The following RPH3AL variants were observed in gnomAD, a reference collection of about 807,000 sequenced individuals.
The protein encoded by RPH3AL is rabphilin 3A like (without C2 domains), also known as rab effector Noc2.
Under a neutral mutation model 43.1 loss-of-function variants are expected in RPH3AL, and 38 were observed. The observed-to-expected ratio is 0.88, with a 90% CI of 0.68 to 1.15. The LOEUF (loss-of-function observed/expected upper bound fraction) is 1.15. Among genes scored for constraint, RPH3AL ranks in the 50% most tolerant of loss-of-function variants. The pLI, the probability that RPH3AL is intolerant of heterozygous loss-of-function variation, is 0.00. For missense variants in RPH3AL, 462 were observed against 423.2 expected, an observed-to-expected ratio of 1.09 and a Z score of -0.81; for synonymous variants, 189 against 176.3, an observed-to-expected ratio of 1.07 and a Z score of -0.57.
chr17:270,838 G>A (rs552568907), intron 6 of RPH3AL, among the ~76,000 whole-genome samples: 1 of 152,312 alleles, frequency 6.6e-6, no homozygotes, highest in African/African-American at 2.4e-5. Flanking sequence ...TTTTAGACAT[G>A]AAGTCCTTGC....
At chr17:250,260 C>T (rs534688508) in intron 6 of RPH3AL, among the ~76,000 whole-genome samples, 24 of 124,396 alleles carry the variant, frequency 1.9e-4, no homozygotes, top group African/African-American at 6.0e-4. Flanking sequence ...CAAGCTCCGT[C>T]GCTGCGGGAC....
intron 5 of RPH3AL, among the ~76,000 whole-genome samples, chr17:304,635 G>T (rs532360997): frequency 2.6e-5 from 4 of 152,128 alleles, no homozygotes; most frequent in African/African-American, 9.6e-5. Flanking sequence ...CACCCGGCCA[G>T]GGCAGGCCCG....
intron 5 of RPH3AL, among the ~76,000 whole-genome samples, chr17:316,907 C>T (rs1321794813): frequency 4.6e-5 from 7 of 151,472 alleles, no homozygotes; most frequent in Non-Finnish European, 7.4e-5. Flanking sequence ...CTGTGCTCCA[C>T]CTCCACTGAC....
At chr17:234,063 A>C (rs28630709) in intron 7 of RPH3AL, among the ~76,000 whole-genome samples, 32 of 24,214 alleles carry the variant, frequency 1.3e-3, no homozygotes, top group African/African-American at 5.6e-3. Flanking sequence ...GCGGCTACTT[A>C]CCCTGACCAA....
intron 7 of RPH3AL, among the ~76,000 whole-genome samples, chr17:222,635 C>A (rs576593146): frequency 2.6e-5 from 4 of 152,316 alleles, no homozygotes; most frequent in African/African-American, 9.6e-5. Context: ...CAGAAATGTA[C>A]ATCCATTCAC....
rs7222921 is a variant in RPH3AL at position 322,892 on chromosome 17, A to G, written c.78-1477T>C. Reference sequence around the variant, plus strand: ...ATCTAGGGTTTGGAGTCCACTGGACAGTCTTATCTTCTGGTCCCGTCCCTT... The same window carrying G: ...ATCTAGGGTTTGGAGTCCACTGGACGGTCTTATCTTCTGGTCCCGTCCCTT... On this transcript the variant is annotated intron_variant, in intron 3 of 9. Coordinates refer to ENST00000331302, the MANE Select transcript of RPH3AL (RefSeq NM_006987.4). This position sits in a 1 kb window ranked among gnomAD's most constrained non-coding sequence, Gnocchi z 4.0. Among the ~76,000 whole-genome samples, 48,585 of 151,940 alleles carry G rather than the reference A, an allele frequency of 0.32. 9,117 individuals carry two copies. The highest frequency in any genetic ancestry group is 0.44 in the Non-Finnish European group (30,114 of 67,916).
At chr17:273,154 ATGTCAGGGTGAGACCCCAGCGCGG>A (rs2042551202) in intron 6 of RPH3AL, among the ~76,000 whole-genome samples, 1 of 28,662 alleles carries the variant, frequency 3.5e-5, no homozygotes, top group African/African-American at 1.1e-4. Context: ...AGCGAGGGTG[ATGTCAGGGTGAGACCCCAGCGCGG>A]GTGACGTCAG....
At chr17:260,875 C>A (rs1167572617) in intron 6 of RPH3AL, among the ~76,000 whole-genome samples, 1 of 152,196 alleles carries the variant, frequency 6.6e-6, no homozygotes, top group Non-Finnish European at 1.5e-5. Flanking sequence ...CTAAGCTCTC[C>A]TTTTGGACAC....
intron 7 of RPH3AL, among the ~76,000 whole-genome samples, chr17:240,060 A>G (rs559906824): frequency 6.6e-6 from 1 of 152,238 alleles, no homozygotes; most frequent in South Asian, 2.1e-4. Flanking sequence ...CAACATGGAG[A>G]AACCCCATCT....
At chr17:270,121 C>T (rs538175153) in intron 6 of RPH3AL, among the ~76,000 whole-genome samples, 24 of 152,180 alleles carry the variant, frequency 1.6e-4, no homozygotes, top group South Asian at 2.1e-4. Flanking sequence ...CCAGGGATGC[C>T]GTGACAGCAG....
chr17:220,590 A>T (rs71372161), intron 7 of RPH3AL, among the ~76,000 whole-genome samples: 3 of 58,430 alleles, frequency 5.1e-5, no homozygotes, highest in African/African-American at 3.4e-4. Flanking sequence ...CCCAAGCACA[A>T]CAGCTCTGAG....
At chr17:231,239 A>T (rs2041223698) in intron 7 of RPH3AL, among the ~76,000 whole-genome samples, 1 of 152,144 alleles carries the variant, frequency 6.6e-6, no homozygotes, top group Non-Finnish European at 1.5e-5. Flanking sequence ...TTTGTGCCTC[A>T]GGTTCCCCCA....
chr17:312,995 C>T (rs1011985668), intron 5 of RPH3AL, among the ~76,000 whole-genome samples: 2 of 152,208 alleles, frequency 1.3e-5, no homozygotes, highest in East Asian at 1.9e-4. Context: ...GTGGCATCTG[C>T]GTGGGGACAG....
intron 5 of RPH3AL, among the ~76,000 whole-genome samples, chr17:308,590 C>G (rs1324351334): frequency 6.6e-6 from 1 of 152,206 alleles, no homozygotes; most frequent in Non-Finnish European, 1.5e-5. Context: ...GTGGGGTATG[C>G]ACATACAGTG....
chr17:325,157 G>T (rs1376586596), intron 3 of RPH3AL, among the ~76,000 whole-genome samples: 1 of 152,104 alleles, frequency 6.6e-6, no homozygotes, highest in Non-Finnish European at 1.5e-5. Flanking sequence ...CACCGCGACC[G>T]GCCTATTCTT....
rs12449625 is a variant in RPH3AL, at chr17:264,095, C to G, written c.439-16810G>C. Among the ~76,000 whole-genome samples the G allele has an allele frequency of 0.16, 25,047 of 152,242 alleles. 2,127 individuals carry two copies. The highest frequency in any genetic ancestry group is 0.2 in the Non-Finnish European group (13,265 of 68,006). On this transcript the variant is annotated intron_variant, in intron 6 of 9. Coordinates refer to ENST00000331302, the MANE Select transcript of RPH3AL (RefSeq NM_006987.4). The surrounding 1 kb of genome is among the most constrained non-coding windows in gnomAD (Gnocchi z 4.8). ...TTGGCCGCGTGCGACAAGCCGGACT[C>G]TCCAAGAGCCTTGGACCCACACCGA... is the stretch of plus-strand genomic sequence containing the variant.
At chr17:224,087 C>T (rs1374688871) in intron 7 of RPH3AL, among the ~76,000 whole-genome samples, 2 of 152,238 alleles carry the variant, frequency 1.3e-5, no homozygotes, top group Non-Finnish European at 2.9e-5. Flanking sequence ...TCAGTCACTT[C>T]CTCACCATTG....
At chr17:326,066 G>T (rs569798367) in intron 3 of RPH3AL, among the ~76,000 whole-genome samples, 1 of 152,238 alleles carries the variant, frequency 6.6e-6, no homozygotes, top group Admixed American at 6.5e-5. Flanking sequence ...GGGCCCTGTC[G>T]AGAGCACAGT....
At position 225,136 on chromosome 17, in the gene RPH3AL, A is replaced by T; in HGVS notation, c.614-5400T>A. Among the ~76,000 whole-genome samples the T allele has an allele frequency of 6.8e-6, 1 of 147,316 alleles. No individual in the cohort carries two copies. The highest frequency in any genetic ancestry group is 1.5e-5 in the Non-Finnish European group (1 of 66,806). On this transcript the variant is annotated intron_variant, in intron 7 of 9. Transcript: ENST00000331302. This position sits in a 1 kb window ranked among gnomAD's most constrained non-coding sequence, Gnocchi z 4.4. ...AATGGAAAAAAAAAAAAAAAGAGTGATGAGCATGGGATCAGGCCTGGCCTC... is the reference window on the plus strand; with the variant it reads ...AATGGAAAAAAAAAAAAAAAGAGTGTTGAGCATGGGATCAGGCCTGGCCTC...
Sources: allele counts gnomAD v4.1 joint callset (sites outside exome capture counted in the v4.1 genomes callset), GRCh38; gene constraint gnomAD v4.1.1; non-coding constraint Gnocchi (gnomAD v3.1); transcripts MANE v1.5; gene names NCBI Gene and HGNC (gene_info 2026-07-23, HGNC 2026-07-21).